CPA6: variants seen among roughly 807,000 people sequenced by gnomAD.
CPA6 encodes carboxypeptidase B.
In CPA6, 58 loss-of-function variants were observed where a neutral mutation model predicts 63.3. The observed-to-expected ratio is 0.92, with a 90% CI of 0.74 to 1.14. The LOEUF is 1.14. Ranked by LOEUF, CPA6 falls within the 50% of genes most tolerant of loss-of-function variation. CPA6 has a pLI of 0.00. For missense variants in CPA6, 565 were observed against 526.6 expected (o/e 1.07, Z -0.71); for synonymous variants, 185 against 179.0 (o/e 1.03, Z -0.27).
chr8:67,475,815 TTC>T (rs1811179256), intron 8 of CPA6, among the ~76,000 whole-genome samples: 2 of 65,576 alleles, frequency 3.0e-5, no homozygotes, highest in African/African-American at 1.9e-4. Context: ...CTTTCTTTCT[TTC>T]CTTTCTTTTC....
At chr8:67,725,440 A>G (rs1817579196) in intron 1 of CPA6, among the ~76,000 whole-genome samples, 3 of 152,214 alleles carry the variant, frequency 2.0e-5, no homozygotes, top group Non-Finnish European at 4.4e-5. Context: ...TCAAAACTTC[A>G]TGACTGAAAA....
At chr8:67,433,015 T>C (rs1036371941) in intron 9 of CPA6, among the ~76,000 whole-genome samples, 2 of 152,086 alleles carry the variant, frequency 1.3e-5, no homozygotes, top group Non-Finnish European at 2.9e-5. Context: ...AGTGACCAAA[T>C]GGAATTGAAT....
chr8:67,537,659 T>C (rs1812613556), intron 2 of CPA6, among the ~76,000 whole-genome samples: 1 of 152,226 alleles, frequency 6.6e-6, no homozygotes, highest in South Asian at 2.1e-4. Flanking sequence ...ATTGATTTTT[T>C]GAAGGATTTT....
chr8:67,534,697 C>A (rs1812547572), intron 2 of CPA6, among the ~76,000 whole-genome samples: 1 of 152,072 alleles, frequency 6.6e-6, no homozygotes, highest in Non-Finnish European at 1.5e-5. Context: ...ATTAGTAGCA[C>A]ATGCTTTGAA....
Position 67,422,572 on chromosome 8 carries a change from G to A in CPA6, c.1246C>T (p.Pro416Ser), listed in dbSNP as rs759525269. 41 of 1,613,988 alleles carry A rather than the reference G, an allele frequency of 2.5e-5. No homozygotes were observed. The highest frequency in any genetic ancestry group is 3.4e-5 in the Non-Finnish European group (40 of 1,179,994). The change falls in exon 11 of 11, where the codon CCC becomes TCC. Residue 416 changes from proline (P) to serine (S), a missense_variant. By Grantham distance (74) the Pro-to-Ser change is moderately conservative. Coordinates refer to ENST00000297770, the MANE Select transcript of CPA6 (RefSeq NM_020361.5). ...GCCAGCATAGTTTCTGTACAGGTGG[G>A]TTTGATGAGCATCTCTGGGAGTAAA... ...GFLLPEMLIK[P>S]TCTETMLAVK...
intron 2 of CPA6, among the ~76,000 whole-genome samples, chr8:67,621,104 G>C (rs1815070777): frequency 6.6e-6 from 1 of 152,180 alleles, no homozygotes; most frequent in South Asian, 2.1e-4. Context: ...TTCCCTGGTA[G>C]ACAACACTGC....
At chr8:67,587,602 G>T (rs1022852220) in intron 2 of CPA6, among the ~76,000 whole-genome samples, 1 of 152,084 alleles carries the variant, frequency 6.6e-6, no homozygotes, top group South Asian at 2.1e-4. Flanking sequence ...TTGGTCAGCA[G>T]GCCCAGGGTT....
At position 67,489,515 on chromosome 8, in the gene CPA6, T is replaced by A. The variant is rs370446619; in HGVS notation, c.637-4726A>T. Among the ~76,000 whole-genome samples, 37 of 145,796 alleles carry A rather than the reference T, an allele frequency of 2.5e-4. No individual in the cohort carries two copies. In the East Asian group the frequency reaches 5.6e-3, roughly 22 times the overall value. On this transcript the variant is annotated intron_variant, in intron 6 of 10. Coordinates refer to ENST00000297770, the MANE Select transcript of CPA6 (RefSeq NM_020361.5). The stretch of plus-strand genomic sequence containing the variant: ...TAAATATGTGTTAATCATTTTTTTT[T>A]AAAATAAATGATTTCTGACACTGTA...
At chr8:67,642,789 T>C (rs1815622589) in intron 1 of CPA6, among the ~76,000 whole-genome samples, 1 of 86,912 alleles carries the variant, frequency 1.2e-5, no homozygotes, top group African/African-American at 5.7e-5. Flanking sequence ...CTTGGGCCTT[T>C]ATCTCACACA....
At chr8:67,428,153 T>C (rs1345854790) in intron 9 of CPA6, 22 bp from the exon 10 acceptor site, 51 of 1,471,616 alleles carry the variant, frequency 3.5e-5, no homozygotes, top group Non-Finnish European at 4.4e-5. Context: ...AATGGGGAAA[T>C]TTTATATATT....
chr8:67,424,463 C>G (rs1809841193), intron 10 of CPA6, among the ~76,000 whole-genome samples: 2 of 152,084 alleles, frequency 1.3e-5, no homozygotes, highest in Admixed American at 1.3e-4. Context: ...AAGAAATGCT[C>G]CCTGTCTTTT....
chr8:67,472,376 T>A (rs548892234), intron 8 of CPA6, among the ~76,000 whole-genome samples: 1 of 72,234 alleles, frequency 1.4e-5, no homozygotes, highest in East Asian at 2.5e-4. Flanking sequence ...AGATTTATTT[T>A]TTTATTTTAT....
In CPA6 at chr8:67,594,796, A is replaced by G. The variant is rs560369165; in HGVS notation, c.192+29380T>C. On this transcript the variant is annotated intron_variant, in intron 2 of 10. Transcript: ENST00000297770. Reference sequence around the variant, plus strand: ...ATACATTTGTCTAAATTTTTTTCAAAGTTTTCAACTTCTTTGCCTTTGGTT... The same window carrying G: ...ATACATTTGTCTAAATTTTTTTCAAGGTTTTCAACTTCTTTGCCTTTGGTT... 1.0e-3 allele frequency among the ~76,000 whole-genome samples: 157 copies of G among 152,184 alleles called. 1 individual carries two copies. The Middle Eastern group carries it at 0.014, about 13-fold the overall frequency.
At chr8:67,467,306 A>C (rs1386487072) in intron 8 of CPA6, among the ~76,000 whole-genome samples, 1 of 152,182 alleles carries the variant, frequency 6.6e-6, no homozygotes, top group Non-Finnish European at 1.5e-5. Context: ...AGGACCCACA[A>C]GTCTATATGT....
At chr8:67,450,991 C>T (rs1431623593) in intron 8 of CPA6, among the ~76,000 whole-genome samples, 1 of 152,204 alleles carries the variant, frequency 6.6e-6, no homozygotes, top group Non-Finnish European at 1.5e-5. Flanking sequence ...CTCTCCTCTC[C>T]TTTAGAGGGT....
intron 1 of CPA6, among the ~76,000 whole-genome samples, chr8:67,630,712 G>C (rs1447965538): frequency 6.6e-6 from 1 of 152,224 alleles, no homozygotes; most frequent in African/African-American, 2.4e-5. Context: ...TCTGCTTGAG[G>C]GGATGTGTGG....
intron 1 of CPA6, among the ~76,000 whole-genome samples, chr8:67,661,907 T>C (rs888352613): frequency 2.0e-5 from 3 of 152,344 alleles, no homozygotes; most frequent in African/African-American, 7.2e-5. Context: ...ATAATGTCTT[T>C]AAGGTTCATC....
intron 1 of CPA6, among the ~76,000 whole-genome samples, chr8:67,625,118 A>AG (rs545715990): frequency 6.6e-6 from 1 of 152,022 alleles, no homozygotes; most frequent in African/African-American, 2.4e-5. Context: ...ATAATGAATG[A>AG]GGGGTCTTGC....
At chr8:67,573,680 C>G (rs1813545576) in intron 2 of CPA6, among the ~76,000 whole-genome samples, 1 of 151,730 alleles carries the variant, frequency 6.6e-6, no homozygotes, top group Non-Finnish European at 1.5e-5. Context: ...ATCACGAGGT[C>G]AGGAGATTGA....
Sources: allele counts gnomAD v4.1 joint callset (sites outside exome capture counted in the v4.1 genomes callset), GRCh38; gene constraint gnomAD v4.1.1; transcripts MANE v1.5; gene names NCBI Gene and HGNC (gene_info 2026-07-23, HGNC 2026-07-21).